The following RIN2 variants were observed in gnomAD, a reference collection of about 807,000 sequenced individuals.
The protein encoded by RIN2 is RAB5 interacting protein 2.
In RIN2, 36 loss-of-function variants were observed where a neutral mutation model predicts 78.0. The observed-to-expected ratio is 0.46, with a 90% CI of 0.35 to 0.61. RIN2 has a LOEUF of 0.61. RIN2 is among the 20% of genes least tolerant of loss of function. The pLI is 0.00. For missense variants in RIN2, 1,087 were observed against 1,159.7 expected (o/e 0.94, Z 0.91); for synonymous variants, 466 against 466.8 (o/e 1.00, Z 0.02).
chr20:19,801,610 C>T (rs142027085), intron 2 of RIN2, among the ~76,000 whole-genome samples: 358 of 152,322 alleles, frequency 2.4e-3, no homozygotes, highest in African/African-American at 8.3e-3. Context: ...CGTGAGCCAC[C>T]GCGCCCGGCA....
At chr20:19,906,349 T>C (rs2039218016) in intron 3 of RIN2, among the ~76,000 whole-genome samples, 1 of 152,074 alleles carries the variant, frequency 6.6e-6, no homozygotes, top group African/African-American at 2.4e-5. Flanking sequence ...CCCCGGAGGC[T>C]GAGATGGGAG....
At chr20:19,960,671 A>G in intron 5 of RIN2, 29 bp from the exon 6 acceptor site, 1 of 1,462,976 alleles carries the variant, frequency 6.8e-7, no homozygotes, top group Non-Finnish European at 9.4e-7. Flanking sequence ...GATATTTCCT[A>G]AAGCTTGTAT....
chr20:19,844,593 GCTTCTTCCTCTTCTTCTTCTT>G (rs1332308813), intron 2 of RIN2, among the ~76,000 whole-genome samples: 11 of 64,064 alleles, frequency 1.7e-4, no homozygotes, highest in African/African-American at 5.7e-4. Context: ...TGCTGCTGCT[GCTTCTTCCTCTTCTTCTTCTT>G]CTTCTTCTTC....
intron 3 of RIN2, among the ~76,000 whole-genome samples, chr20:19,933,367 G>T (rs2040510417): frequency 6.6e-6 from 1 of 152,086 alleles, no homozygotes; most frequent in Non-Finnish European, 1.5e-5. Flanking sequence ...CTCTTCCTTT[G>T]ATCTTTTCAT....
At chr20:19,843,524 C>T (rs76428018) in intron 2 of RIN2, among the ~76,000 whole-genome samples, 8,578 of 152,206 alleles carry the variant, frequency 0.056, 295 homozygotes, top group South Asian at 0.17. Context: ...TAGTATTTTT[C>T]GGAGATAAAG....
chr20:19,919,153 C>A (rs931237815), intron 3 of RIN2, among the ~76,000 whole-genome samples: 2 of 152,212 alleles, frequency 1.3e-5, no homozygotes, highest in Non-Finnish European at 2.9e-5. Flanking sequence ...TGGGGGATGA[C>A]AGATGCCGTG....
At chr20:19,916,625 C>T (rs895304993) in intron 3 of RIN2, among the ~76,000 whole-genome samples, 3 of 152,146 alleles carry the variant, frequency 2.0e-5, no homozygotes, top group African/African-American at 7.2e-5. Flanking sequence ...AAGAGTTTTG[C>T]AGACCACTGC....
In RIN2 at chr20:19,851,035, AAG is replaced by A. The variant is rs1568814952; in HGVS notation, c.-36-38530_-36-38529del. Among the ~76,000 whole-genome samples the A allele has an allele frequency of 6.7e-4, 77 of 114,138 alleles. 1 individual carries two copies. Among genetic ancestry groups the A allele is most frequent in the East Asian group, 3.0e-3 (12 of 3,964 alleles). The allele number at this position is 114,138 out of a possible 152,430, so 74.9% of individuals were successfully genotyped here. Reference sequence around the variant, plus strand: ...GAAGGAAGGAAGGAAGGAAGGAAGGAAGGAAGGAAGGAAGGAGAAAGAAAGGA... The same window carrying A: ...GAAGGAAGGAAGGAAGGAAGGAAGGAGAAGGAAGGAAGGAGAAAGAAAGGA... On this transcript the variant is annotated intron_variant, in intron 2 of 12. Transcript: ENST00000255006.
chr20:19,960,694 C>T lies in RIN2; in HGVS notation c.352-6C>T, dbSNP rs1234506045. 5 of 1,564,570 alleles carry T rather than the reference C, an allele frequency of 3.2e-6. No homozygotes were observed. Among genetic ancestry groups the T allele is most frequent in the Non-Finnish European group, 4.4e-6 (5 of 1,147,270 alleles). On this transcript the variant is annotated splice_region_variant and splice_polypyrimidine_tract_variant and intron_variant, in intron 5 of 12. Coordinates refer to ENST00000255006, the MANE Select transcript of RIN2 (RefSeq NM_018993.4). ...CTAAAGCTTGTATTTCTTTTCCCTC[C>T]ACTAGATCTTCCTGGTTCATAAATC...
chr20:19,790,608 A>G (rs1440317632), intron 1 of RIN2, among the ~76,000 whole-genome samples: 1 of 152,152 alleles, frequency 6.6e-6, no homozygotes, highest in Non-Finnish European at 1.5e-5. Context: ...CAGCCTGGGC[A>G]ACATAGGGTT....
Position 19,803,090 on chromosome 20 carries a change from C to G in RIN2, c.-37+3343C>G, listed in dbSNP as rs77044855. ...CTCACTGATTAGTGAAAAAGGCCAG[C>G]ACTGCCATCTGTGGGCTGAGAATTG... On this transcript the variant is annotated intron_variant, in intron 2 of 12. Coordinates refer to ENST00000255006, the MANE Select transcript of RIN2 (RefSeq NM_018993.4). Among the ~76,000 whole-genome samples the G allele has an allele frequency of 1.3e-5, 2 of 152,214 alleles. 1 individual carries two copies. Among genetic ancestry groups the G allele is most frequent in the Admixed American group, 1.3e-4 (2 of 15,282 alleles).
chr20:19,788,216 ACT>A (rs1282127012), intron 1 of RIN2, among the ~76,000 whole-genome samples: 2 of 151,998 alleles, frequency 1.3e-5, no homozygotes, highest in African/African-American at 4.8e-5. Flanking sequence ...AGCATCTATC[ACT>A]CTGTCATCTG....
chr20:19,852,835 C>T (rs536908021), intron 2 of RIN2, among the ~76,000 whole-genome samples: 3 of 152,078 alleles, frequency 2.0e-5, no homozygotes, highest in Admixed American at 6.6e-5. Context: ...AGGTGCTTTA[C>T]ATATTCATCA....
chr20:19,761,391 C>T (rs1265271318), intron 1 of RIN2, among the ~76,000 whole-genome samples: 1 of 152,122 alleles, frequency 6.6e-6, no homozygotes, highest in African/African-American at 2.4e-5. Flanking sequence ...TAGGGAAATG[C>T]TAATGTTGTC....
At chr20:19,815,686 T>C (rs1195473366) in intron 2 of RIN2, among the ~76,000 whole-genome samples, 4 of 152,218 alleles carry the variant, frequency 2.6e-5, no homozygotes, top group Admixed American at 2.6e-4. Flanking sequence ...GAATCACAGC[T>C]GTATTTTTCA....
intron 3 of RIN2, among the ~76,000 whole-genome samples, chr20:19,891,241 A>G (rs1244872821): frequency 6.6e-6 from 1 of 152,172 alleles, no homozygotes; most frequent in Non-Finnish European, 1.5e-5. Context: ...ACCTCCACCC[A>G]TTGGAGGCAA....
At chr20:19,874,980 C>T (rs1010139997) in intron 2 of RIN2, among the ~76,000 whole-genome samples, 1 of 151,930 alleles carries the variant, frequency 6.6e-6, no homozygotes, top group African/African-American at 2.4e-5. Flanking sequence ...CATGCCTCAG[C>T]CTCCTGAGGA....
chr20:19,896,541 C>T (rs2038737154), intron 3 of RIN2, among the ~76,000 whole-genome samples: 1 of 152,224 alleles, frequency 6.6e-6, no homozygotes, highest in Non-Finnish European at 1.5e-5. Context: ...GACGGAACAT[C>T]ACCTGCCCAC....
intron 1 of RIN2, among the ~76,000 whole-genome samples, chr20:19,772,623 C>T (rs929931520): frequency 6.6e-6 from 1 of 152,170 alleles, no homozygotes; most frequent in South Asian, 2.1e-4. Flanking sequence ...GGAATAATCC[C>T]AGCAGCTAAA....
Sources: gnomAD v4.1 joint callset for allele counts (sites outside exome capture counted in the v4.1 genomes callset) on GRCh38, gnomAD v4.1.1 for gene constraint, MANE v1.5 for transcripts, NCBI Gene and HGNC (gene_info 2026-07-23, HGNC 2026-07-21) for gene names.